DYM: variants seen among roughly 807,000 people sequenced by gnomAD.
DYM encodes the protein dyggve-Melchior-Clausen syndrome protein.
DYM carries 78 observed loss-of-function variants against 93.1 expected under a neutral mutation model. That is an observed-to-expected ratio of 0.84 (90% CI 0.70 to 1.01). The LOEUF is 1.01. DYM is among the 50% of genes least tolerant of loss of function. The pLI, the probability that DYM is intolerant of heterozygous loss-of-function variation, is 0.00. For synonymous variants in DYM, 321 were observed against 319.7 expected, an observed-to-expected ratio of 1.00 and a Z score of -0.04; for missense variants, 789 against 845.0, an observed-to-expected ratio of 0.93 and a Z score of 0.82.
intron 8 of DYM, among the ~76,000 whole-genome samples, chr18:49,323,009 G>C (rs187184367): frequency 6.6e-6 from 1 of 152,244 alleles, no homozygotes. Flanking sequence ...CTACAGTCCA[G>C]TACGTCCCTC....
At chr18:49,181,109 C>T (rs16950406) in intron 14 of DYM, among the ~76,000 whole-genome samples, 4,009 of 152,202 alleles carry the variant, frequency 0.026, 165 homozygotes, top group African/African-American at 0.091. Flanking sequence ...GGAAATACCA[C>T]GTCATGAAAT....
chr18:49,296,488 C>T (rs1379993180), intron 8 of DYM, among the ~76,000 whole-genome samples: 1 of 152,056 alleles, frequency 6.6e-6, no homozygotes, highest in African/African-American at 2.4e-5. Flanking sequence ...AATGCCCTAC[C>T]CACGCAGCTT....
At chr18:49,459,318 G>A (rs1047721655) in intron 1 of DYM, among the ~76,000 whole-genome samples, 7 of 152,042 alleles carry the variant, frequency 4.6e-5, no homozygotes, top group East Asian at 1.9e-4. Flanking sequence ...ATACTTGTCC[G>A]GTCTATCTCC....
At chr18:49,437,508 C>T (rs1021525574) in intron 1 of DYM, among the ~76,000 whole-genome samples, 1 of 152,186 alleles carries the variant, frequency 6.6e-6, no homozygotes, top group Non-Finnish European at 1.5e-5. Flanking sequence ...ATATACATTA[C>T]TTATATCTTA....
chr18:49,385,481 G>T (rs939840937), intron 3 of DYM, among the ~76,000 whole-genome samples: 8 of 152,106 alleles, frequency 5.3e-5, no homozygotes, highest in African/African-American at 1.4e-4. Context: ...GATCACCTGA[G>T]GTCAGGAGTT....
At chr18:49,268,139 T>C (rs1049342983) in intron 11 of DYM, among the ~76,000 whole-genome samples, 13 of 152,182 alleles carry the variant, frequency 8.5e-5, no homozygotes, top group South Asian at 2.1e-4. Flanking sequence ...CTCTGTATCA[T>C]TGGGTATTAA....
At chr18:49,312,685 T>A (rs1012991314) in intron 8 of DYM, among the ~76,000 whole-genome samples, 1 of 152,164 alleles carries the variant, frequency 6.6e-6, no homozygotes, top group Non-Finnish European at 1.5e-5. Flanking sequence ...TGGGAACCGC[T>A]GAACATGGGT....
Position 49,332,016 on chromosome 18 carries a change from A to C in DYM, c.621-10T>G, listed in dbSNP as rs751489340. The C allele has an allele frequency of 6.2e-7, 1 of 1,612,546 alleles. No individual in the cohort carries two copies. The highest frequency in any genetic ancestry group is 8.5e-7 in the Non-Finnish European group (1 of 1,179,208). On this transcript the variant is annotated splice_polypyrimidine_tract_variant and intron_variant, in intron 7 of 17. Coordinates refer to ENST00000675505, the MANE Select transcript of DYM (RefSeq NM_001353214.3). The stretch of plus-strand genomic sequence containing the variant: ...GCTGGTGTATGGAAGACTATACAAA[A>C]AGGAAAAAAAAATCAAACTCATATT...
intron 13 of DYM, among the ~76,000 whole-genome samples, chr18:49,211,005 C>T (rs2092756159): frequency 6.6e-6 from 1 of 152,056 alleles, no homozygotes; most frequent in South Asian, 2.1e-4. Flanking sequence ...GGCAAGTAGG[C>T]AATAATACTA....
At chr18:49,219,980 GACATGATTGTATATCTAGAAA>G (rs2093279149) in intron 13 of DYM, among the ~76,000 whole-genome samples, 1 of 150,352 alleles carries the variant, frequency 6.7e-6, no homozygotes, top group Non-Finnish European at 1.5e-5. Context: ...GTTTGCAGAT[GACATGATTGTATATCTAGAAA>G]ACCCCATTGT....
intron 15 of DYM, among the ~76,000 whole-genome samples, chr18:49,154,693 C>G (rs2086192500): frequency 6.6e-6 from 1 of 151,978 alleles, no homozygotes; most frequent in African/African-American, 2.4e-5. Context: ...ATGCGCCCAG[C>G]TGGAAATTCT....
At position 49,082,197 on chromosome 18, in the gene DYM, A is replaced by G. The variant is rs1345827651; in HGVS notation, c.2025+15205T>C. Reference sequence around the variant, plus strand: ...TGAGGTGCTTGCCACCATGCCACGAACTACATGGACTGTACTTGGTCCCAG... The same window carrying G: ...TGAGGTGCTTGCCACCATGCCACGAGCTACATGGACTGTACTTGGTCCCAG... On this transcript the variant is annotated intron_variant, in intron 17 of 17. Transcript: ENST00000675505. 2.6e-5 allele frequency among the ~76,000 whole-genome samples: 4 copies of G among 152,370 alleles called. No individual in the cohort carries two copies. The East Asian group carries it at 7.7e-4, about 29-fold the overall frequency.
intron 6 of DYM, among the ~76,000 whole-genome samples, chr18:49,337,686 G>A (rs1287770205): frequency 3.3e-5 from 5 of 152,090 alleles, no homozygotes; most frequent in Admixed American, 6.5e-5. Context: ...AAGAGTCAGC[G>A]GAATAATCAA....
intron 11 of DYM, 149 bp downstream of exon 11, chr18:49,272,029 G>C (rs571736511): frequency 5.2e-6 from 2 of 386,640 alleles, no homozygotes. Flanking sequence ...AAAAAGCACC[G>C]CTTCATAAAT....
intron 8 of DYM, among the ~76,000 whole-genome samples, chr18:49,323,613 GA>G (rs1378853688): frequency 6.6e-6 from 1 of 152,214 alleles, no homozygotes; most frequent in Non-Finnish European, 1.5e-5. Flanking sequence ...GACACAGCAA[GA>G]AGGTGGACAT....
intron 14 of DYM, among the ~76,000 whole-genome samples, chr18:49,167,240 T>C (rs2088023732): frequency 6.6e-6 from 1 of 152,066 alleles, no homozygotes; most frequent in African/African-American, 2.4e-5. Context: ...TGCTTGCTAG[T>C]AGGACACCAA....
intron 1 of DYM, among the ~76,000 whole-genome samples, chr18:49,432,329 C>CAAAAAAAAAAAAAAAAAAAAAAAAAAAA (rs11429840): frequency 2.6e-5 from 2 of 75,828 alleles, no homozygotes; most frequent in African/African-American, 4.4e-5. Context: ...AAGACTGTCT[C>CAAAAAAAAAAAAAAAAAAAAAAAAAAAA]AAAAAAAAAA....
intron 15 of DYM, among the ~76,000 whole-genome samples, chr18:49,155,656 C>A (rs921810340): frequency 1.3e-5 from 2 of 152,188 alleles, no homozygotes; most frequent in Admixed American, 6.5e-5. Context: ...GTTACTGGCT[C>A]CTTTCACTTA....
chr18:49,396,434 T>C (rs1246786357), intron 2 of DYM, among the ~76,000 whole-genome samples: 2 of 152,334 alleles, frequency 1.3e-5, no homozygotes, highest in East Asian at 3.9e-4. Flanking sequence ...ATTTGCATTA[T>C]AGCTGAGCAT....
Sources: allele counts gnomAD v4.1 joint callset (sites outside exome capture counted in the v4.1 genomes callset), GRCh38; gene constraint gnomAD v4.1.1; transcripts MANE v1.5; gene names NCBI Gene and HGNC (gene_info 2026-07-23, HGNC 2026-07-21).